Variants in NALF1 observed in about 807,000 individuals in gnomAD.
The protein encoded by NALF1 is NALCN channel auxiliary factor 1.
NALF1 carries 3 observed loss-of-function variants against 48.4 expected under a neutral mutation model. That is an observed-to-expected ratio of 0.06 (90% CI 0.03 to 0.16). NALF1 has a LOEUF of 0.16. NALF1 is among the 10% of genes least tolerant of loss of function. The pLI, the probability that NALF1 is intolerant of heterozygous loss-of-function variation, is 1.00. For synonymous variants in NALF1, 262 were observed against 245.7 expected (o/e 1.07, Z -0.62); for missense variants, 526 against 571.5 (o/e 0.92, Z 0.81).
rs1390195412 is a variant in NALF1, at chr13:107,615,137, A to G, written c.915+250545T>C. 2.0e-5 allele frequency among the ~76,000 whole-genome samples: 3 copies of G among 152,340 alleles called. 1 individual carries two copies. The highest frequency in any genetic ancestry group is 2.4e-5 in the African/African-American group (1 of 41,582). On this transcript the variant is annotated intron_variant, in intron 1 of 2. Coordinates refer to ENST00000375915, the MANE Select transcript of NALF1 (RefSeq NM_001080396.3). Reference sequence around the variant, plus strand: ...TGAATATGATGCCAACATTACAAAAATAAGTTGACATAAACTTGACCTATT... The same window carrying G: ...TGAATATGATGCCAACATTACAAAAGTAAGTTGACATAAACTTGACCTATT...
chr13:107,613,773 GA>G (rs1879303549), intron 1 of NALF1, among the ~76,000 whole-genome samples: 1 of 152,140 alleles, frequency 6.6e-6, no homozygotes, highest in Non-Finnish European at 1.5e-5. Context: ...AGACAAACTG[GA>G]ATAGGTTTTC....
chr13:107,673,785 CATAA>C (rs1284200343), intron 1 of NALF1, among the ~76,000 whole-genome samples: 3 of 151,938 alleles, frequency 2.0e-5, no homozygotes, highest in Admixed American at 6.6e-5. Context: ...CTAGGTACTC[CATAA>C]ATATTTATAA....
Position 107,865,941 on chromosome 13 carries a change from G to C in NALF1, c.656C>G (p.Ser219Trp), listed in dbSNP as rs772215958. 6.2e-7 allele frequency: 1 copy of C among 1,613,842 alleles called. No individual in the cohort carries two copies. Among genetic ancestry groups the C allele is most frequent in the Non-Finnish European group, 8.5e-7 (1 of 1,180,002 alleles). Residue 219 changes from serine to tryptophan, a missense_variant, in exon 1 of 3, where the codon TCG (serine) becomes TGG (tryptophan). Ser to Trp is a radical substitution (Grantham distance 177, BLOSUM62 -3). Coordinates refer to ENST00000375915, the MANE Select transcript of NALF1 (RefSeq NM_001080396.3). ...ATTACAAAACGAAAGGTAAAAATCC[G>C]ACAAGTTCCAGAGCGGAGTGGGATG... ...SKHPTPLWNLSDFYLSFCNSY... is the reference protein window; with the variant it reads ...SKHPTPLWNLWDFYLSFCNSY...
chr13:107,568,274 C>T (rs780081384), intron 1 of NALF1, among the ~76,000 whole-genome samples: 13 of 152,248 alleles, frequency 8.5e-5, no homozygotes, highest in Admixed American at 3.9e-4. Context: ...GGCCACCATA[C>T]GCAGCCTTGT....
At chr13:107,773,030 G>C (rs561272346) in intron 1 of NALF1, among the ~76,000 whole-genome samples, 19 of 152,232 alleles carry the variant, frequency 1.2e-4, no homozygotes, top group Admixed American at 2.6e-4. Flanking sequence ...GATTAAATGA[G>C]TACAGTGTAC....
intron 1 of NALF1, among the ~76,000 whole-genome samples, chr13:107,650,495 C>G (rs1880426017): frequency 6.7e-6 from 1 of 149,450 alleles, no homozygotes; most frequent in African/African-American, 2.5e-5. Flanking sequence ...GAAAACCAAA[C>G]ATCGTATGTT....
chr13:107,736,194 TACAC>T (rs891269318), intron 1 of NALF1, among the ~76,000 whole-genome samples: 12 of 34,346 alleles, frequency 3.5e-4, no homozygotes, highest in African/African-American at 8.5e-4. Flanking sequence ...CACACACACA[TACAC>T]ACACACACAC....
intron 1 of NALF1, among the ~76,000 whole-genome samples, chr13:107,722,669 T>C (rs1281404447): frequency 6.6e-6 from 1 of 152,194 alleles, no homozygotes; most frequent in African/African-American, 2.4e-5. Context: ...CAGAGAGACC[T>C]TAAATCAAAC....
intron 1 of NALF1, among the ~76,000 whole-genome samples, chr13:107,628,091 G>T (rs1879729077): frequency 6.6e-6 from 1 of 152,050 alleles, no homozygotes; most frequent in Non-Finnish European, 1.5e-5. Context: ...CAATGACACA[G>T]AGTTCTTTCT....
At chr13:107,726,756 A>T (rs1876163299) in intron 1 of NALF1, among the ~76,000 whole-genome samples, 1 of 151,042 alleles carries the variant, frequency 6.6e-6, no homozygotes, top group South Asian at 2.1e-4. Flanking sequence ...ACTACAAGGC[A>T]CAGGCCACCA....
intron 1 of NALF1, among the ~76,000 whole-genome samples, chr13:107,595,258 C>G (rs1233740220): frequency 6.6e-6 from 1 of 152,098 alleles, no homozygotes; most frequent in Non-Finnish European, 1.5e-5. Flanking sequence ...TAATTGGAGT[C>G]TATCTAATCT....
At chr13:107,454,907 G>T (rs1474407643) in intron 1 of NALF1, among the ~76,000 whole-genome samples, 1 of 152,112 alleles carries the variant, frequency 6.6e-6, no homozygotes, top group East Asian at 1.9e-4. Context: ...TTTGCTAAGA[G>T]TTAAATCTTT....
chr13:107,487,909 G>A (rs568178188), intron 1 of NALF1, among the ~76,000 whole-genome samples: 1 of 151,650 alleles, frequency 6.6e-6, no homozygotes, highest in Non-Finnish European at 1.5e-5. Context: ...CTGGTCCTGG[G>A]CTTTTCTTGG....
At chr13:107,244,205 G>T (rs1194492701) in intron 1 of NALF1, among the ~76,000 whole-genome samples, 1 of 152,170 alleles carries the variant, frequency 6.6e-6, no homozygotes, top group Admixed American at 6.5e-5. Flanking sequence ...AGAGAGCAAA[G>T]TTTGGAATTT....
intron 1 of NALF1, among the ~76,000 whole-genome samples, chr13:107,834,366 A>G (rs1879829660): frequency 6.6e-6 from 1 of 152,202 alleles, no homozygotes; most frequent in African/African-American, 2.4e-5. Context: ...CATTTGAGCC[A>G]GAGAGCAAGA....
chr13:107,549,069 A>G (rs1056328868), intron 1 of NALF1, among the ~76,000 whole-genome samples: 1 of 152,182 alleles, frequency 6.6e-6, no homozygotes, highest in African/African-American at 2.4e-5. Context: ...TGATTTTTAC[A>G]TTCTACCACC....
chr13:107,340,807 T>C (rs949378988), intron 1 of NALF1, among the ~76,000 whole-genome samples: 2 of 152,224 alleles, frequency 1.3e-5, no homozygotes, highest in African/African-American at 4.8e-5. Flanking sequence ...TAAACAATGT[T>C]ATCTTAAATA....
chr13:107,816,741 G>A (rs1879176180), intron 1 of NALF1, among the ~76,000 whole-genome samples: 1 of 151,876 alleles, frequency 6.6e-6, no homozygotes, highest in Non-Finnish European at 1.5e-5. Context: ...ATTGCGTATT[G>A]CATTAAAAAA....
At chr13:107,725,464 T>G (rs1472418930) in intron 1 of NALF1, among the ~76,000 whole-genome samples, 2 of 152,170 alleles carry the variant, frequency 1.3e-5, no homozygotes, top group African/African-American at 4.8e-5. Context: ...TCCCAACACT[T>G]TGGGAGACCG....
Sources: gnomAD v4.1 joint callset for allele counts (sites outside exome capture counted in the v4.1 genomes callset) on GRCh38, gnomAD v4.1.1 for gene constraint, MANE v1.5 for transcripts, NCBI Gene and HGNC (gene_info 2026-07-23, HGNC 2026-07-21) for gene names.